The following ACSS3 variants were observed in gnomAD, a reference collection of about 807,000 sequenced individuals.
ACSS3 encodes acyl-CoA synthetase short chain family member 3.
Under a neutral mutation model 84.2 loss-of-function variants are expected in ACSS3, and 64 were observed. The ratio of observed to expected loss-of-function variants is 0.76; its 90% CI spans 0.62 to 0.94. ACSS3 has a LOEUF of 0.94. ACSS3 is among the 40% of genes least tolerant of loss of function. The probability of loss-of-function intolerance (pLI) is 0.00; values close to 1 mark genes in which losing one functional copy is unlikely to be tolerated. For missense variants in ACSS3, 815 were observed against 867.6 expected (o/e 0.94, Z 0.76); for synonymous variants, 317 against 310.1 (o/e 1.02, Z -0.23).
chr12:81,253,238 T>C (rs1389297449), intron 13 of ACSS3, 69 bp from the exon 14 acceptor site: 2 of 1,448,232 alleles, frequency 1.4e-6, no homozygotes, highest in African/African-American at 1.4e-5. Context: ...TCTGTATCTA[T>C]ATCTATATGT....
intron 13 of ACSS3, among the ~76,000 whole-genome samples, chr12:81,238,882 T>C (rs2033707883): frequency 6.6e-6 from 1 of 151,756 alleles, no homozygotes; most frequent in Non-Finnish European, 1.5e-5. Context: ...TTATAATTTA[T>C]TTTATTCTGC....
chr12:81,139,051 G>A, intron 3 of ACSS3, 80 bp from the exon 4 acceptor site: 28 of 1,420,208 alleles, frequency 2.0e-5, no homozygotes, highest in Non-Finnish European at 2.4e-5. Flanking sequence ...ATGTTGAATT[G>A]CCAGTCTGCA....
At chr12:81,168,772 A>G (rs1887519631) in intron 7 of ACSS3, among the ~76,000 whole-genome samples, 1 of 152,220 alleles carries the variant, frequency 6.6e-6, no homozygotes, top group African/African-American at 2.4e-5. Context: ...GATTTCAGTT[A>G]TCATTATATT....
chr12:81,110,003 C>T (rs932956370), intron 2 of ACSS3, among the ~76,000 whole-genome samples: 2 of 152,180 alleles, frequency 1.3e-5, no homozygotes, highest in Non-Finnish European at 2.9e-5. Context: ...ATTACCATCA[C>T]CTTTGGCTGC....
At chr12:81,232,896 C>G (rs1321247858) in intron 12 of ACSS3, among the ~76,000 whole-genome samples, 1 of 151,714 alleles carries the variant, frequency 6.6e-6, no homozygotes, top group Non-Finnish European at 1.5e-5. Context: ...TTAAATTTCA[C>G]TGAAGCTTGA....
At chr12:81,221,856 A>G (rs940668416) in intron 11 of ACSS3, among the ~76,000 whole-genome samples, 3 of 152,096 alleles carry the variant, frequency 2.0e-5, no homozygotes, top group Non-Finnish European at 4.4e-5. Context: ...CTTTAGCAGC[A>G]TACATTTTTA....
chr12:81,167,517 G>A (rs1385814297), intron 7 of ACSS3, among the ~76,000 whole-genome samples: 2 of 152,172 alleles, frequency 1.3e-5, no homozygotes, highest in Non-Finnish European at 2.9e-5. Context: ...GTGCTGGAAG[G>A]TTCTGTCTCT....
chr12:81,108,173 A>G (rs1246193388), intron 1 of ACSS3, among the ~76,000 whole-genome samples: 1 of 151,862 alleles, frequency 6.6e-6, no homozygotes, highest in South Asian at 2.1e-4. Context: ...TAGGTAATCA[A>G]ATTTGCTATT....
chr12:81,125,993 T>A (rs1179484032), intron 2 of ACSS3: 1 of 152,240 alleles, frequency 6.6e-6, no homozygotes, highest in African/African-American at 2.4e-5. Context: ...ATTTTAAGAA[T>A]GTGGAAAGCA....
At chr12:81,197,785 G>T (rs1271004847) in intron 8 of ACSS3, among the ~76,000 whole-genome samples, 4 of 151,922 alleles carry the variant, frequency 2.6e-5, no homozygotes, top group Non-Finnish European at 2.9e-5. Context: ...TTTCTTATGT[G>T]ACTTCTAGTC....
chr12:81,145,540 C>A (rs1471305356), intron 5 of ACSS3, among the ~76,000 whole-genome samples: 1 of 152,082 alleles, frequency 6.6e-6, no homozygotes, highest in African/African-American at 2.4e-5. Flanking sequence ...TGACTACACA[C>A]AATGGAGACA....
chr12:81,229,286 G>T (rs1223666535), intron 11 of ACSS3, among the ~76,000 whole-genome samples: 1 of 151,626 alleles, frequency 6.6e-6, no homozygotes, highest in Non-Finnish European at 1.5e-5. Flanking sequence ...TCTTCATCAG[G>T]TTTATTATCA....
In ACSS3 at chr12:81,220,358, CA is replaced by C. The variant is rs555083398; in HGVS notation, c.1514+290del. On this transcript the variant is annotated intron_variant, in intron 11 of 15. Coordinates refer to ENST00000548058, the MANE Select transcript of ACSS3 (RefSeq NM_024560.4). ...ATAGATGATAAAGTTAACTTACATACAAAAAAAATATGAATAAGTAAATAAA... is the reference window on the plus strand; with the variant it reads ...ATAGATGATAAAGTTAACTTACATACAAAAAAATATGAATAAGTAAATAAA... 1.9e-3 allele frequency among the ~76,000 whole-genome samples: 284 copies of C among 151,552 alleles called. 1 individual carries two copies. Among genetic ancestry groups the C allele is most frequent in the Non-Finnish European group, 1.5e-3 (104 of 67,830 alleles).
At chr12:81,078,910 A>G (rs188550893) in intron 1 of ACSS3, among the ~76,000 whole-genome samples, 1 of 152,334 alleles carries the variant, frequency 6.6e-6, no homozygotes, top group East Asian at 1.9e-4. Context: ...GAAGTCGACA[A>G]GGCCCTAATT....
intron 5 of ACSS3, 23 bp from the exon 6 acceptor site, chr12:81,151,821 A>G: frequency 6.2e-7 from 1 of 1,600,138 alleles, no homozygotes; most frequent in East Asian, 2.2e-5. Context: ...TATTGATTTT[A>G]ATTTCACTTT....
chr12:81,259,643 A>G lies in ACSS3; in HGVS notation c.*4721A>G, dbSNP rs1356713038. ...GATGGTAGTGCACTTTAGGTAGAGT[A>G]GACTGAAAAGACGCCATCTAAAATA... On this transcript the variant is annotated 3_prime_UTR_variant, in exon 16 of 16. Coordinates refer to ENST00000548058, the MANE Select transcript of ACSS3 (RefSeq NM_024560.4). 6 of 1,534,468 alleles carry G rather than the reference A, an allele frequency of 3.9e-6. No homozygotes were observed. Among genetic ancestry groups the G allele is most frequent in the Non-Finnish European group, 5.2e-6 (6 of 1,145,710 alleles).
chr12:81,212,029 T>C (rs1326396023), intron 9 of ACSS3, among the ~76,000 whole-genome samples: 2 of 152,226 alleles, frequency 1.3e-5, no homozygotes, highest in African/African-American at 2.4e-5. Context: ...GTGTCACATG[T>C]CTTCTCTTCT....
intron 7 of ACSS3, among the ~76,000 whole-genome samples, chr12:81,165,973 A>C (rs1887384362): frequency 1.3e-5 from 2 of 152,192 alleles, no homozygotes; most frequent in African/African-American, 4.8e-5. Context: ...GTACAAACTC[A>C]TGATGTAGAT....
chr12:81,114,401 T>C (rs1397926263), intron 2 of ACSS3, among the ~76,000 whole-genome samples: 1 of 152,130 alleles, frequency 6.6e-6, no homozygotes. Flanking sequence ...CTTCAAAGTA[T>C]GTATTCCATC....
Sources: gnomAD v4.1 joint callset for allele counts (sites outside exome capture counted in the v4.1 genomes callset) on GRCh38, gnomAD v4.1.1 for gene constraint, MANE v1.5 for transcripts, NCBI Gene and HGNC (gene_info 2026-07-23, HGNC 2026-07-21) for gene names.